Variants in USH2A observed in about 807,000 individuals in gnomAD.
USH2A encodes usherin.
A neutral mutation model predicts 538.9 loss-of-function variants in USH2A; 443 were observed. The observed-to-expected ratio is 0.82, with a 90% CI of 0.76 to 0.89. The LOEUF is 0.89. Among genes scored for constraint, USH2A ranks in the 40% least tolerant of loss-of-function variants. The pLI, the probability that USH2A is intolerant of heterozygous loss-of-function variation, is 0.00. For missense variants in USH2A, 6,633 were observed against 6,324.8 expected (o/e 1.05, Z -1.65); for synonymous variants, 2,413 against 2,273.5 (o/e 1.06, Z -1.75).
intron 4 of USH2A, among the ~76,000 whole-genome samples, chr1:216,358,488 A>G (rs567389379): frequency 6.6e-6 from 1 of 152,302 alleles, no homozygotes; most frequent in African/African-American, 2.4e-5. Context: ...TAAAAAAAGG[A>G]GCAAGTAAGA....
chr1:216,121,397 T>G (rs2033136291), intron 21 of USH2A, among the ~76,000 whole-genome samples: 1 of 136,612 alleles, frequency 7.3e-6, no homozygotes, highest in East Asian at 3.1e-4. Flanking sequence ...GATTTAAATT[T>G]TGCTGGTTTT....
At chr1:216,086,934 C>T in intron 23 of USH2A, 114 bp from the exon 24 acceptor site, 1 of 767,402 alleles carries the variant, frequency 1.3e-6, no homozygotes, top group Admixed American at 2.0e-5. Context: ...TGGTTTTCCT[C>T]TCTCCTCATT....
chr1:215,755,457 A>G lies in USH2A; in HGVS notation c.11389+3138T>C, dbSNP rs151200480. Among the ~76,000 whole-genome samples the G allele has an allele frequency of 8.9e-4, 135 of 152,358 alleles. 1 individual carries two copies. Among genetic ancestry groups the G allele is most frequent in the African/African-American group, 2.9e-3 (120 of 41,590 alleles). ...TATTTGTGACTATTCAGGAATAGAA[A>G]CATGTTTTTATTATCCAAATCAAAA... On this transcript the variant is annotated intron_variant, in intron 58 of 71. Coordinates refer to ENST00000307340, the MANE Select transcript of USH2A (RefSeq NM_206933.4).
chr1:216,311,291 G>A (rs1452324340), intron 9 of USH2A, among the ~76,000 whole-genome samples: 1 of 152,092 alleles, frequency 6.6e-6, no homozygotes, highest in Non-Finnish European at 1.5e-5. Context: ...GTCTCTTTCC[G>A]GTAACCCAGA....
Position 216,382,122 on chromosome 1 carries a change from A to T in USH2A, c.652-17037T>A, listed in dbSNP as rs541936372. 6.4e-4 allele frequency among the ~76,000 whole-genome samples: 97 copies of T among 152,334 alleles called. 1 individual carries two copies. The highest frequency in any genetic ancestry group is 5.6e-3 in the South Asian group (27 of 4,830). On this transcript the variant is annotated intron_variant, in intron 3 of 71. Coordinates refer to ENST00000307340, the MANE Select transcript of USH2A (RefSeq NM_206933.4). Reference sequence around the variant, plus strand: ...TGAGAATGGATCACATTCAAACATGATGCCGAGCCCTGAAGGGAACAACAC... The same window carrying T: ...TGAGAATGGATCACATTCAAACATGTTGCCGAGCCCTGAAGGGAACAACAC...
At chr1:216,115,687 AT>A (rs2032991272) in intron 21 of USH2A, among the ~76,000 whole-genome samples, 2 of 152,108 alleles carry the variant, frequency 1.3e-5, no homozygotes, top group African/African-American at 4.8e-5. Flanking sequence ...AATTGAATAA[AT>A]TGAATTTATT....
At chr1:215,629,773 C>CTTTTTTTTTTTTTTTTTT (rs34349385) in intron 70 of USH2A, among the ~76,000 whole-genome samples, 2 of 125,058 alleles carry the variant, frequency 1.6e-5, no homozygotes, top group African/African-American at 6.5e-5. Context: ...CTTTTCTTTT[C>CTTTTTTTTTTTTTTTTTT]TTTTTTTTTT....
chr1:215,959,298 C>CT (rs1201073506), intron 37 of USH2A, among the ~76,000 whole-genome samples: 2 of 151,852 alleles, frequency 1.3e-5, no homozygotes, highest in Non-Finnish European at 2.9e-5. Flanking sequence ...AATTGGGTTT[C>CT]TTTTTTTCAG....
chr1:216,251,069 G>A lies in USH2A; in HGVS notation c.2001C>T (p.His667=), dbSNP rs142870255. Reference sequence around the variant, plus strand: ...ACTGATTGCACTGCCTGCCAGACACGTGTCTCTTACAATTACACTGTCCTC... The same window carrying A: ...ACTGATTGCACTGCCTGCCAGACACATGTCTCTTACAATTACACTGTCCTC... The part of the protein sequence containing the change: ...QIGGQCNCKR[H]VSGRQCNQCQ... Residue 667 remains histidine, a synonymous_variant, in exon 12 of 72, where the codon CAC becomes CAT. Transcript: ENST00000307340. 1.8e-4 allele frequency: 284 copies of A among 1,613,972 alleles called. 1 individual carries two copies. The African/African-American group carries it at 2.2e-3, about 12-fold the overall frequency.
chr1:216,319,619 G>C (rs1311403950), intron 9 of USH2A, among the ~76,000 whole-genome samples: 1 of 152,118 alleles, frequency 6.6e-6, no homozygotes, highest in African/African-American at 2.4e-5. Flanking sequence ...GAACATGAAA[G>C]TTTTGGTCTG....
At chr1:215,951,869 A>T (rs1219979706) in intron 37 of USH2A, among the ~76,000 whole-genome samples, 3,873 of 145,606 alleles carry the variant, frequency 0.027, 84 homozygotes, top group South Asian at 0.071. Context: ...TATTTTTTTT[A>T]TTTTTTGAGA....
intron 64 of USH2A, among the ~76,000 whole-genome samples, chr1:215,664,281 G>A: frequency 6.6e-6 from 1 of 152,038 alleles, no homozygotes; most frequent in East Asian, 1.9e-4. Context: ...TTATAATATA[G>A]CTATACTTTA....
chr1:216,187,788 C>T, intron 20 of USH2A, among the ~76,000 whole-genome samples: 1 of 151,820 alleles, frequency 6.6e-6, no homozygotes, highest in Non-Finnish European at 1.5e-5. Flanking sequence ...CATGTATTAA[C>T]TAATTCTAAT....
chr1:216,078,653 T>C (rs563422160), intron 26 of USH2A, among the ~76,000 whole-genome samples: 6 of 152,258 alleles, frequency 3.9e-5, no homozygotes, highest in Admixed American at 1.3e-4. Flanking sequence ...TGCTGCAACA[T>C]AGTTAGAAGA....
intron 21 of USH2A, among the ~76,000 whole-genome samples, chr1:216,157,118 C>G (rs1275172509): frequency 6.6e-6 from 1 of 152,022 alleles, no homozygotes; most frequent in African/African-American, 2.4e-5. Context: ...GTGATCCACC[C>G]ACCTCGGCCT....
intron 46 of USH2A, among the ~76,000 whole-genome samples, chr1:215,841,609 C>T (rs1663676566): frequency 1.3e-5 from 2 of 152,114 alleles, no homozygotes; most frequent in African/African-American, 4.8e-5. Flanking sequence ...AAAACCCAGG[C>T]AATACCATTC....
chr1:216,126,285 G>A (rs539490178), intron 21 of USH2A, among the ~76,000 whole-genome samples: 7 of 152,072 alleles, frequency 4.6e-5, no homozygotes, highest in East Asian at 1.9e-4. Flanking sequence ...GTGCAATGGC[G>A]GGATCTCAGC....
chr1:216,082,076 T>C (rs891162465), intron 26 of USH2A, among the ~76,000 whole-genome samples: 1 of 152,102 alleles, frequency 6.6e-6, no homozygotes, highest in Non-Finnish European at 1.5e-5. Context: ...TAAACATCTT[T>C]GTATCCTCCA....
intron 55 of USH2A, among the ~76,000 whole-genome samples, chr1:215,771,740 G>A (rs1451121981): frequency 2.6e-5 from 4 of 151,536 alleles, no homozygotes; most frequent in Admixed American, 2.6e-4. Context: ...GACTATTTGG[G>A]TTCTAATACT....
Sources: gnomAD v4.1 joint callset for allele counts (sites outside exome capture counted in the v4.1 genomes callset) on GRCh38, gnomAD v4.1.1 for gene constraint, MANE v1.5 for transcripts, NCBI Gene and HGNC (gene_info 2026-07-23, HGNC 2026-07-21) for gene names.